RRAGB: variants seen among roughly 807,000 people sequenced by gnomAD.
RRAGB encodes ras-related GTP-binding protein B.
A neutral mutation model predicts 29.3 loss-of-function variants in RRAGB; 6 were observed. The observed-to-expected ratio is 0.21, with a 90% CI of 0.11 to 0.40. The LOEUF is 0.40. Ranked by LOEUF, RRAGB falls within the 10% of genes least tolerant of loss-of-function variation. RRAGB has a pLI of 1.00. For missense variants in RRAGB, 184 were observed against 272.9 expected (o/e 0.67, Z 2.29); for synonymous variants, 101 against 92.5 (o/e 1.09, Z -0.53).
intron 3 of RRAGB, among the ~76,000 whole-genome samples, chrX:55,726,510 T>G (rs758379763): frequency 8.9e-6 from 1 of 111,767 alleles, no homozygotes; most frequent in African/African-American, 3.2e-5. Flanking sequence ...GTTAGGAAAC[T>G]ATTTTAATAG....
chrX:55,722,735 A>G (rs1348869421), intron 3 of RRAGB, among the ~76,000 whole-genome samples: 1 of 111,510 alleles, frequency 9.0e-6, no homozygotes, highest in Admixed American at 9.5e-5. Flanking sequence ...CTTGATCTGT[A>G]CTCTGCTACT....
intron 1 of RRAGB, among the ~76,000 whole-genome samples, chrX:55,719,084 C>G (rs755872044): frequency 9.0e-6 from 1 of 111,460 alleles, no homozygotes; most frequent in Non-Finnish European, 1.9e-5. Flanking sequence ...CTAAATAAAT[C>G]TTCCTAGGAG....
chrX:55,753,850 G>A (rs1326235383), intron 7 of RRAGB, among the ~76,000 whole-genome samples: 1 of 111,882 alleles, frequency 8.9e-6, no homozygotes, highest in Non-Finnish European at 1.9e-5. Context: ...TTAGAGACCA[G>A]CCTGACCAAC....
intron 6 of RRAGB, 104 bp from the exon 7 acceptor site, chrX:55,753,288 A>G: frequency 1.6e-6 from 1 of 635,607 alleles, no homozygotes; most frequent in East Asian, 3.4e-5. Flanking sequence ...GGACTGGATT[A>G]TCATCATATT....
chrX:55,730,210 T>C (rs962407715), intron 4 of RRAGB, among the ~76,000 whole-genome samples: 2 of 112,515 alleles, frequency 1.8e-5, no homozygotes, highest in Non-Finnish European at 3.8e-5. Context: ...GCTCAGTGAA[T>C]ATTTGTTGAA....
At chrX:55,749,276 C>T (rs1309082106) in intron 5 of RRAGB, among the ~76,000 whole-genome samples, 2 of 92,692 alleles carry the variant, frequency 2.2e-5, no homozygotes, top group Admixed American at 1.1e-4. Context: ...AGTGAGGAGC[C>T]CCTCTGCCCG....
rs1469645245 is a variant in RRAGB at position 55,753,509 on chromosome X, T to C, written c.730T>C (p.Phe244Leu). The C allele has an allele frequency of 4.2e-6, 5 of 1,192,351 alleles. No individual in the cohort carries two copies. The highest frequency in any genetic ancestry group is 2.4e-4 in the Middle Eastern group (1 of 4,247). ...AGTACTTCTTTTTGAGAGAGCTACT[T>C]TTCTGGTAAGAACTTTCTGCTTTGC... Reference protein sequence around the residue: ...DEVLLFERATFLVISHYQCKE... With the variant: ...DEVLLFERATLLVISHYQCKE... The change falls in exon 7 of 10, where the codon TTT (phenylalanine) becomes CTT (leucine). Residue 244 changes from phenylalanine to leucine, a missense_variant. By Grantham distance (22) the Phe-to-Leu change is conservative (BLOSUM62 0). Coordinates refer to ENST00000374941, the MANE Select transcript of RRAGB (RefSeq NM_006064.5).
intron 4 of RRAGB, among the ~76,000 whole-genome samples, chrX:55,730,972 G>A (rs1484741763): frequency 1.8e-5 from 2 of 110,359 alleles, no homozygotes; most frequent in Non-Finnish European, 3.8e-5. Flanking sequence ...GAGGAGGTGG[G>A]GGGTAGCATC....
chrX:55,720,835 G>A (rs1437524727), intron 2 of RRAGB, among the ~76,000 whole-genome samples: 1 of 111,052 alleles, frequency 9.0e-6, no homozygotes, highest in Non-Finnish European at 1.9e-5. Context: ...CTGAGATCAT[G>A]CCACAGCCCT....
At chrX:55,752,577 C>T (rs1031570250) in intron 6 of RRAGB, among the ~76,000 whole-genome samples, 2 of 112,123 alleles carry the variant, frequency 1.8e-5, no homozygotes, top group African/African-American at 6.5e-5. Flanking sequence ...TCTTTACATA[C>T]CTGCTTGATG....
At chrX:55,756,773 C>A (rs2034666922) in intron 8 of RRAGB, among the ~76,000 whole-genome samples, 1 of 111,432 alleles carries the variant, frequency 9.0e-6, no homozygotes, top group African/African-American at 3.3e-5. Flanking sequence ...AGGTCTAAGC[C>A]AATTTTCATT....
chrX:55,728,652 G>T (rs193017491), intron 3 of RRAGB, among the ~76,000 whole-genome samples: 2 of 111,614 alleles, frequency 1.8e-5, no homozygotes, highest in Middle Eastern at 4.6e-3. Flanking sequence ...GTAGCCTGTC[G>T]GATGAAGTAA....
chrX:55,749,017 T>G (rs1245544951), intron 5 of RRAGB, among the ~76,000 whole-genome samples: 5 of 63,219 alleles, frequency 7.9e-5, no homozygotes, highest in East Asian at 5.2e-4. Flanking sequence ...GGTGGGGGGG[T>G]CAGCCTCCCG....
At chrX:55,729,666 G>T (rs778651285) in intron 4 of RRAGB, among the ~76,000 whole-genome samples, 2 of 111,633 alleles carry the variant, frequency 1.8e-5, no homozygotes, top group Non-Finnish European at 3.8e-5. Flanking sequence ...TGACACCAGT[G>T]CTGAGCTCTT....
intron 3 of RRAGB, among the ~76,000 whole-genome samples, chrX:55,723,679 C>T (rs765752601): frequency 6.3e-5 from 7 of 110,727 alleles, no homozygotes; most frequent in African/African-American, 2.3e-4. Flanking sequence ...GGCTCAGCCT[C>T]CCAAGTAGCT....
At chrX:55,735,644 CA>C (rs1402824398) in intron 5 of RRAGB, among the ~76,000 whole-genome samples, 2 of 112,429 alleles carry the variant, frequency 1.8e-5, no homozygotes, top group African/African-American at 6.5e-5. Context: ...TGTACTGTTG[CA>C]GTCATCATGC....
intron 8 of RRAGB, among the ~76,000 whole-genome samples, chrX:55,756,241 A>C (rs1488862891): frequency 8.9e-6 from 1 of 112,119 alleles, no homozygotes; most frequent in African/African-American, 3.2e-5. Context: ...AGGAAGGAGA[A>C]TTTGCCTTAC....
chrX:55,727,533 G>GC (rs777482838), intron 3 of RRAGB: 115 of 370,572 alleles, frequency 3.1e-4, no homozygotes, highest in African/African-American at 1.2e-3. Flanking sequence ...GCTATGCCCC[G>GC]CCCCCCCGCT....
rs774847577 is a variant in RRAGB at position 55,750,048 on chromosome X, TAAAAAAAAAAAAA to T, written c.517-1035_517-1023del. Among the ~76,000 whole-genome samples the T allele has an allele frequency of 5.1e-3, 86 of 16,773 alleles. 1 individual carries two copies. The highest frequency in any genetic ancestry group is 0.019 in the African/African-American group (76 of 3,960). The allele number at this position is 16,773 out of a possible 115,157, so 14.6% of individuals were successfully genotyped here. ...CGAGAAACACCCAAGAATGATCAAT[TAAAAAAAAAAAAA>T]AAAAAAAAAAAAAAAAAGGTTATTC... is the stretch of plus-strand genomic sequence containing the variant. On this transcript the variant is annotated intron_variant, in intron 5 of 9. Transcript: ENST00000374941.
Sources: gnomAD v4.1 joint callset for allele counts (sites outside exome capture counted in the v4.1 genomes callset) on GRCh38, gnomAD v4.1.1 for gene constraint, MANE v1.5 for transcripts, NCBI Gene and HGNC (gene_info 2026-07-23, HGNC 2026-07-21) for gene names.